Variants in NRG3 observed in about 807,000 individuals in gnomAD.
NRG3 encodes the protein pro-neuregulin-3, membrane-bound isoform.
A neutral mutation model predicts 66.9 loss-of-function variants in NRG3; 31 were observed. The observed-to-expected ratio is 0.46, with a 90% CI of 0.35 to 0.63. The LOEUF (loss-of-function observed/expected upper bound fraction) is 0.63. NRG3 is among the 20% of genes least tolerant of loss of function. The pLI is 0.00. For synonymous variants in NRG3, 393 were observed against 359.4 expected (o/e 1.09, Z -1.06); for missense variants, 910 against 878.9 (o/e 1.04, Z -0.45).
chr10:82,117,496 C>T (rs987491486), intron 1 of NRG3, among the ~76,000 whole-genome samples: 4 of 152,038 alleles, frequency 2.6e-5, no homozygotes, highest in African/African-American at 9.7e-5. Context: ...TACTTGATAT[C>T]TTGAATGATG....
intron 2 of NRG3, among the ~76,000 whole-genome samples, chr10:82,415,073 A>G (rs938960530): frequency 1.3e-5 from 2 of 152,300 alleles, no homozygotes; most frequent in South Asian, 4.1e-4. Context: ...GAGCACCATC[A>G]TTTAGCCAAA....
At chr10:82,392,057 T>C (rs1277843000) in intron 2 of NRG3, among the ~76,000 whole-genome samples, 2 of 145,330 alleles carry the variant, frequency 1.4e-5, no homozygotes, top group African/African-American at 2.6e-5. Context: ...AATTGCCCCA[T>C]GTGAATTCCA....
intron 1 of NRG3, among the ~76,000 whole-genome samples, chr10:81,916,095 A>G (rs1244913658): frequency 6.6e-6 from 1 of 152,212 alleles, no homozygotes; most frequent in Non-Finnish European, 1.5e-5. Flanking sequence ...TGTATGCTAC[A>G]TATTCAAACT....
At chr10:82,332,675 G>A (rs1033122272) in intron 1 of NRG3, among the ~76,000 whole-genome samples, 1 of 152,120 alleles carries the variant, frequency 6.6e-6, no homozygotes, top group Non-Finnish European at 1.5e-5. Context: ...ATTCCATGTT[G>A]TCTCATCTCT....
chr10:82,638,679 G>T (rs1483734988), intron 2 of NRG3, among the ~76,000 whole-genome samples: 3 of 150,864 alleles, frequency 2.0e-5, no homozygotes, highest in Non-Finnish European at 4.4e-5. Flanking sequence ...ACGGAGTCTT[G>T]CTCTGTCACC....
chr10:81,963,540 T>C (rs2059611298), intron 1 of NRG3, among the ~76,000 whole-genome samples: 2 of 152,232 alleles, frequency 1.3e-5, no homozygotes, highest in Non-Finnish European at 2.9e-5. Flanking sequence ...CATACATACA[T>C]GTATTTTAAT....
intron 1 of NRG3, among the ~76,000 whole-genome samples, chr10:82,292,391 A>G (rs1487539087): frequency 6.6e-6 from 1 of 152,188 alleles, no homozygotes; most frequent in Non-Finnish European, 1.5e-5. Flanking sequence ...GTGGAAATAT[A>G]TTTGGTACAA....
chr10:81,992,411 T>G (rs1383328435), intron 1 of NRG3, among the ~76,000 whole-genome samples: 1 of 152,132 alleles, frequency 6.6e-6, no homozygotes, highest in African/African-American at 2.4e-5. Flanking sequence ...TCTGCACTCC[T>G]GGGGAAGTGG....
At chr10:82,700,862 T>C (rs191162019) in intron 2 of NRG3, among the ~76,000 whole-genome samples, 2 of 152,212 alleles carry the variant, frequency 1.3e-5, no homozygotes, top group East Asian at 1.9e-4. Flanking sequence ...AAATCAGTGA[T>C]CTTGGACACA....
chr10:82,198,412 T>G (rs1366144181), intron 1 of NRG3, among the ~76,000 whole-genome samples: 2 of 152,178 alleles, frequency 1.3e-5, no homozygotes, highest in African/African-American at 4.8e-5. Flanking sequence ...GTCTTATTTG[T>G]AGGAAAGAAG....
intron 1 of NRG3, among the ~76,000 whole-genome samples, chr10:82,172,405 AT>A (rs1482871708): frequency 1.3e-5 from 2 of 152,096 alleles, no homozygotes; most frequent in Non-Finnish European, 2.9e-5. Flanking sequence ...TCTTTGATTT[AT>A]TTTTAATGTG....
chr10:82,579,912 T>C (rs1244374266), intron 2 of NRG3, among the ~76,000 whole-genome samples: 2 of 151,944 alleles, frequency 1.3e-5, no homozygotes, highest in Non-Finnish European at 2.9e-5. Context: ...AGAGCTTTGA[T>C]AGAATATCAA....
intron 1 of NRG3, among the ~76,000 whole-genome samples, chr10:82,069,686 C>T (rs926576759): frequency 2.0e-5 from 3 of 152,006 alleles, no homozygotes; most frequent in African/African-American, 2.4e-5. Context: ...CAAAAAGAAA[C>T]GGAGTCTGGA....
intron 3 of NRG3, among the ~76,000 whole-genome samples, chr10:82,807,677 T>G (rs2061344227): frequency 6.6e-6 from 1 of 152,180 alleles, no homozygotes; most frequent in Admixed American, 6.5e-5. Context: ...AATCTTTGTT[T>G]TATTAATAAT....
intron 1 of NRG3, among the ~76,000 whole-genome samples, chr10:81,996,707 AAAG>A (rs141782346): frequency 0.014 from 2,059 of 152,172 alleles, 21 homozygotes; most frequent in African/African-American, 0.032. Context: ...GCAGGAGAGA[AAAG>A]AAAGGGAGAG....
At chr10:82,819,511 G>T (rs946049674) in intron 3 of NRG3, among the ~76,000 whole-genome samples, 4 of 152,042 alleles carry the variant, frequency 2.6e-5, no homozygotes, top group Non-Finnish European at 4.4e-5. Flanking sequence ...TATCCTCTCT[G>T]ATCCTTTGTC....
intron 1 of NRG3, among the ~76,000 whole-genome samples, chr10:82,057,277 G>T (rs116561750): frequency 6.7e-6 from 1 of 150,316 alleles, no homozygotes; most frequent in African/African-American, 2.4e-5. Flanking sequence ...TATCAAATAC[G>T]TATGTATAAT....
chr10:82,211,867 C>T (rs1444504007), intron 1 of NRG3, among the ~76,000 whole-genome samples: 1 of 152,084 alleles, frequency 6.6e-6, no homozygotes, highest in African/African-American at 2.4e-5. Flanking sequence ...CCATAACACA[C>T]CCCTATACTA....
At chr10:81,976,462 A>G (rs1421306955) in intron 1 of NRG3, among the ~76,000 whole-genome samples, 1 of 152,178 alleles carries the variant, frequency 6.6e-6, no homozygotes, top group Non-Finnish European at 1.5e-5. Flanking sequence ...CACTGTATAC[A>G]TTTCTAGCCT....
Sources: gnomAD v4.1 joint callset for allele counts (sites outside exome capture counted in the v4.1 genomes callset) on GRCh38, gnomAD v4.1.1 for gene constraint, MANE v1.5 for transcripts, NCBI Gene and HGNC (gene_info 2026-07-23, HGNC 2026-07-21) for gene names.